Variants in HEMK2 observed in about 807,000 individuals in gnomAD.
HEMK2 encodes the protein methyltransferase HEMK2.
At chr21:28,685,507 G>C in the HEMK2 span, among the ~76,000 whole-genome samples, 1 of 152,128 alleles carries the variant, frequency 6.6e-6, no homozygotes. Flanking sequence ...GAAAGCAGAA[G>C]ATTTAAGACC....
chr21:28,620,540 T>C, the HEMK2 span, among the ~76,000 whole-genome samples: 1 of 152,068 alleles, frequency 6.6e-6, no homozygotes, highest in Non-Finnish European at 1.5e-5. Flanking sequence ...CTAGATTTTC[T>C]AGTTTATTTG....
the HEMK2 span, among the ~76,000 whole-genome samples, chr21:28,807,391 G>C: frequency 6.6e-6 from 1 of 152,116 alleles, no homozygotes; most frequent in Non-Finnish European, 1.5e-5. Flanking sequence ...CAGTTTCCTG[G>C]GAGACACATT....
At chr21:28,692,171 AG>A in the HEMK2 span, among the ~76,000 whole-genome samples, 4 of 152,294 alleles carry the variant, frequency 2.6e-5, no homozygotes, top group African/African-American at 9.6e-5. Context: ...TTGACCCATG[AG>A]ATTCCTTGCA....
At chr21:28,735,497 G>A in the HEMK2 span, among the ~76,000 whole-genome samples, 1 of 152,152 alleles carries the variant, frequency 6.6e-6, no homozygotes, top group African/African-American at 2.4e-5. Flanking sequence ...CCATCTCCAA[G>A]ACAGTCAGGG....
chr21:28,817,630 A>G, the HEMK2 span, among the ~76,000 whole-genome samples: 1 of 152,218 alleles, frequency 6.6e-6, no homozygotes, highest in East Asian at 1.9e-4. Flanking sequence ...CTAAGAAAGG[A>G]AGATGAAGGA....
At chr21:28,831,684 A>T in the HEMK2 span, among the ~76,000 whole-genome samples, 2 of 52,208 alleles carry the variant, frequency 3.8e-5, no homozygotes, top group African/African-American at 2.1e-4. Flanking sequence ...AGAAAGAAAG[A>T]AGGAAGGAAG....
chr21:28,693,944 A>G, the HEMK2 span, among the ~76,000 whole-genome samples: 2 of 152,184 alleles, frequency 1.3e-5, no homozygotes, highest in Admixed American at 6.5e-5. Flanking sequence ...ATTTTTTTTC[A>G]AAGTATTTCC....
At chr21:28,785,196 C>A in the HEMK2 span, among the ~76,000 whole-genome samples, 1 of 152,220 alleles carries the variant, frequency 6.6e-6, no homozygotes, top group East Asian at 1.9e-4. Flanking sequence ...CCTTTAAGAA[C>A]TGTAACACTC....
the HEMK2 span, among the ~76,000 whole-genome samples, chr21:28,809,476 T>C: frequency 2.6e-5 from 4 of 152,278 alleles, no homozygotes; most frequent in East Asian, 7.7e-4. Context: ...AGATAATATG[T>C]ATAAATACTT....
chr21:28,723,463 A>G, the HEMK2 span, among the ~76,000 whole-genome samples: 8 of 152,332 alleles, frequency 5.3e-5, no homozygotes, highest in East Asian at 1.5e-3. Context: ...GAAAACCTGC[A>G]TTCGAAGTCT....
chr21:28,682,219 A>G, the HEMK2 span, among the ~76,000 whole-genome samples: 1 of 151,924 alleles, frequency 6.6e-6, no homozygotes, highest in Admixed American at 6.6e-5. Flanking sequence ...AAAACAAACA[A>G]CCCCATCAAA....
At chr21:28,823,609 C>G in the HEMK2 span, among the ~76,000 whole-genome samples, 1 of 152,228 alleles carries the variant, frequency 6.6e-6, no homozygotes, top group South Asian at 2.1e-4. Context: ...CATTTTCCAA[C>G]TGGGTAAGGA....
the HEMK2 span, among the ~76,000 whole-genome samples, chr21:28,739,051 T>C: frequency 6.6e-6 from 1 of 152,178 alleles, no homozygotes. Context: ...TATCGCCCTT[T>C]CCAGAAGCTC....
the HEMK2 span, among the ~76,000 whole-genome samples, chr21:28,585,329 C>CTAAATAAATAAA: frequency 5.7e-3 from 802 of 141,392 alleles, 5 homozygotes; most frequent in African/African-American, 9.0e-3. Flanking sequence ...AAGACTCTGT[C>CTAAATAAATAAA]TAAATAAATA....
chr21:28,819,544 C>CTTTTTTTTTTTTTTTTTTTT, the HEMK2 span, among the ~76,000 whole-genome samples: 1 of 111,900 alleles, frequency 8.9e-6, no homozygotes. Context: ...TTTTCTTTTC[C>CTTTTTTTTTTTTTTTTTTTT]TTTTTTTTTT....
At chr21:28,781,722 A>G in the HEMK2 span, among the ~76,000 whole-genome samples, 1 of 152,238 alleles carries the variant, frequency 6.6e-6, no homozygotes, top group African/African-American at 2.4e-5. Context: ...CTAAGCCTTT[A>G]GGCCAGAGTT....
the HEMK2 span, among the ~76,000 whole-genome samples, chr21:28,683,662 A>T: frequency 6.6e-6 from 1 of 152,046 alleles, no homozygotes; most frequent in Non-Finnish European, 1.5e-5. Context: ...ACAAATTAGA[A>T]CTCTCTGAAA....
chr21:28,691,899 T>C, the HEMK2 span, among the ~76,000 whole-genome samples: 1 of 152,204 alleles, frequency 6.6e-6, no homozygotes, highest in Non-Finnish European at 1.5e-5. Context: ...ATATGCATTT[T>C]CACCAACACA....
At chr21:28,681,087 A>G in the HEMK2 span, among the ~76,000 whole-genome samples, 10 of 152,206 alleles carry the variant, frequency 6.6e-5, no homozygotes, top group Admixed American at 5.2e-4. Context: ...AAGGGCATTC[A>G]ATTAGGAAAA....
Sources: gnomAD v4.1 joint callset for allele counts (sites outside exome capture counted in the v4.1 genomes callset) on GRCh38, gnomAD v4.1.1 for gene constraint, MANE v1.5 for transcripts, NCBI Gene and HGNC (gene_info 2026-07-23, HGNC 2026-07-21) for gene names.